B3GAT2: variants seen among roughly 807,000 people sequenced by gnomAD.
The protein encoded by B3GAT2 is beta-1,3-glucuronyltransferase 2.
A neutral mutation model predicts 27.8 loss-of-function variants in B3GAT2; 26 were observed. The observed-to-expected ratio is 0.93, with a 90% CI of 0.68 to 1.30. The LOEUF (loss-of-function observed/expected upper bound fraction) is 1.30. Among genes scored for constraint, B3GAT2 ranks in the 50% most tolerant of loss-of-function variants. The pLI is 0.00. For missense variants in B3GAT2, 458 were observed against 459.0 expected (o/e 1.00, Z 0.02); for synonymous variants, 218 against 195.1 (o/e 1.12, Z -0.98).
chr6:70,943,152 C>T (rs1562236352), intron 1 of B3GAT2, among the ~76,000 whole-genome samples: 1 of 152,126 alleles, frequency 6.6e-6, no homozygotes, highest in South Asian at 2.1e-4. Context: ...AATCCACCTC[C>T]AAGTTTTCTT....
chr6:70,915,042 T>C (rs1772745684), intron 1 of B3GAT2, among the ~76,000 whole-genome samples: 1 of 152,192 alleles, frequency 6.6e-6, no homozygotes, highest in South Asian at 2.1e-4. Flanking sequence ...AGTGTTCCTA[T>C]TTCTCCACAT....
At chr6:70,877,029 G>C (rs1772025354) in intron 2 of B3GAT2, among the ~76,000 whole-genome samples, 1 of 152,224 alleles carries the variant, frequency 6.6e-6, no homozygotes, top group African/African-American at 2.4e-5. Context: ...TGACAAGGCT[G>C]TCAAGTTGCT....
rs375551187 is a variant in B3GAT2, at chr6:70,928,487, AG to A, written c.591+27351del. Among the ~76,000 whole-genome samples, 1,413 of 152,344 alleles carry A rather than the reference AG, an allele frequency of 9.3e-3. 10 individuals are homozygous for A. The highest frequency in any genetic ancestry group is 0.048 in the Middle Eastern group (14 of 294). On this transcript the variant is annotated intron_variant, in intron 1 of 3. Coordinates refer to ENST00000230053, the MANE Select transcript of B3GAT2 (RefSeq NM_080742.3). ...AGAGAAGAATCAAATAGATGTAATA[AG>A]AATGATAAAGGGGGTATCACCACCA...
At chr6:70,929,220 G>A (rs1003205724) in intron 1 of B3GAT2, among the ~76,000 whole-genome samples, 1 of 152,032 alleles carries the variant, frequency 6.6e-6, no homozygotes, top group Non-Finnish European at 1.5e-5. Context: ...AGGGGGGAGG[G>A]ATAGCATTAG....
intron 2 of B3GAT2, among the ~76,000 whole-genome samples, chr6:70,883,335 T>C (rs1252849083): frequency 1.3e-5 from 2 of 152,174 alleles, no homozygotes; most frequent in African/African-American, 4.8e-5. Context: ...CGTCCATGGC[T>C]GTATGCATGG....
intron 1 of B3GAT2, among the ~76,000 whole-genome samples, chr6:70,942,379 T>A (rs1446258173): frequency 6.6e-6 from 1 of 152,168 alleles, no homozygotes; most frequent in African/African-American, 2.4e-5. Context: ...CCCAGCCTCT[T>A]GCCATCAAGA....
Position 70,912,411 on chromosome 6 carries a change from T to C in B3GAT2, c.592-18139A>G, listed in dbSNP as rs190371941. Among the ~76,000 whole-genome samples the C allele has an allele frequency of 1.8e-4, 28 of 152,304 alleles. No homozygotes were observed. In the East Asian group the frequency reaches 5.0e-3, roughly 27 times the overall value. ...CATTTGGTTTTTCTTTTTAGTTCTGTTCATGTGATGAATCATATTTATTGA... is the reference window on the plus strand; with the variant it reads ...CATTTGGTTTTTCTTTTTAGTTCTGCTCATGTGATGAATCATATTTATTGA... On this transcript the variant is annotated intron_variant, in intron 1 of 3. Transcript: ENST00000230053.
intron 2 of B3GAT2, among the ~76,000 whole-genome samples, chr6:70,868,438 G>A (rs1400785971): frequency 6.6e-6 from 1 of 152,170 alleles, no homozygotes; most frequent in Non-Finnish European, 1.5e-5. Flanking sequence ...TATTGTGTAA[G>A]TATCAATTTA....
intron 1 of B3GAT2, among the ~76,000 whole-genome samples, chr6:70,900,126 T>C (rs529603066): frequency 3.2e-4 from 48 of 152,366 alleles, no homozygotes; most frequent in Admixed American, 1.9e-3. Context: ...AGTCATATTC[T>C]GTGGTTTATT....
At position 70,955,880 on chromosome 6, in the gene B3GAT2, C is replaced by T; in HGVS notation, c.550G>A (p.Ala184Thr). ...QRAQPGVLFF[A>T]DDDNTYSLEL... Reference sequence around the variant, plus strand: ...AGACTATAGGTGTTGTCGTCGTCAGCGAAGAAGAGCACGCCGGGCTGCGCG... The same window carrying T: ...AGACTATAGGTGTTGTCGTCGTCAGTGAAGAAGAGCACGCCGGGCTGCGCG... The change falls in exon 1 of 4, where the codon GCT becomes ACT. Residue 184 changes from alanine (A) to threonine (T), a missense_variant. By Grantham distance (58) the Ala-to-Thr change is moderately conservative. Coordinates refer to ENST00000230053, the MANE Select transcript of B3GAT2 (RefSeq NM_080742.3). 3 of 1,605,472 alleles carry T rather than the reference C, an allele frequency of 1.9e-6. No individual in the cohort carries two copies. The highest frequency in any genetic ancestry group is 2.5e-6 in the Non-Finnish European group (3 of 1,176,850).
Position 70,859,216 on chromosome 6 carries a change from A to C in B3GAT2, c.*2447T>G. ...TTGGTCTCTACCCGCTGGGAATCTA[A>C]AAAATTGTATGTGCTAAGTGTCAGT... On this transcript the variant is annotated 3_prime_UTR_variant, in exon 4 of 4. Transcript: ENST00000230053. The C allele has an allele frequency of 1.5e-6, 1 of 670,436 alleles. No individual in the cohort carries two copies. The highest frequency in any genetic ancestry group is 2.5e-6 in the Non-Finnish European group (1 of 406,440). 41.5% of individuals were successfully genotyped at this position (670,436 alleles called of 1,614,324 possible). A position where few individuals can be genotyped will look rare whatever the true frequency, so the allele number is the denominator to read the frequency against.
chr6:70,937,423 A>T (rs1228603632), intron 1 of B3GAT2, among the ~76,000 whole-genome samples: 5 of 152,022 alleles, frequency 3.3e-5, no homozygotes, highest in Non-Finnish European at 7.4e-5. Flanking sequence ...TCATCCTGAT[A>T]CCAAAGCCGG....
At chr6:70,917,171 CT>C (rs1356691735) in intron 1 of B3GAT2, among the ~76,000 whole-genome samples, 1 of 152,138 alleles carries the variant, frequency 6.6e-6, no homozygotes, top group African/African-American at 2.4e-5. Context: ...TCTAGATTTT[CT>C]ATTTTATTTG....
intron 1 of B3GAT2, among the ~76,000 whole-genome samples, chr6:70,947,842 A>G (rs200727149): frequency 1.1e-4 from 16 of 152,232 alleles, no homozygotes; most frequent in Non-Finnish European, 1.2e-4. Context: ...ATAAAATACT[A>G]GCAAACCGAA....
At chr6:70,882,661 C>T (rs768528092) in intron 2 of B3GAT2, among the ~76,000 whole-genome samples, 23 of 152,010 alleles carry the variant, frequency 1.5e-4, no homozygotes, top group Non-Finnish European at 2.8e-4. Flanking sequence ...AGGATTAATA[C>T]CCAAAATATA....
chr6:70,926,828 C>T (rs895737272), intron 1 of B3GAT2, among the ~76,000 whole-genome samples: 4 of 152,126 alleles, frequency 2.6e-5, no homozygotes, highest in Admixed American at 6.6e-5. Flanking sequence ...ACACAGAACG[C>T]CACAAAGATA....
chr6:70,875,908 T>C (rs1282950600), intron 2 of B3GAT2, among the ~76,000 whole-genome samples: 2 of 152,198 alleles, frequency 1.3e-5, no homozygotes, highest in African/African-American at 2.4e-5. Context: ...AACTGAATCT[T>C]CTAAGGAAAC....
intron 1 of B3GAT2, among the ~76,000 whole-genome samples, chr6:70,950,160 T>C (rs920536229): frequency 6.6e-6 from 1 of 151,604 alleles, no homozygotes; most frequent in African/African-American, 2.4e-5. Context: ...CATATGTAAC[T>C]AACCTGCACA....
At chr6:70,932,088 T>C (rs1244283751) in intron 1 of B3GAT2, among the ~76,000 whole-genome samples, 1 of 152,160 alleles carries the variant, frequency 6.6e-6, no homozygotes, top group Non-Finnish European at 1.5e-5. Flanking sequence ...CCTTTCATAA[T>C]GATATTTCAC....
Sources: gnomAD v4.1 joint callset for allele counts (sites outside exome capture counted in the v4.1 genomes callset) on GRCh38, gnomAD v4.1.1 for gene constraint, MANE v1.5 for transcripts, NCBI Gene and HGNC (gene_info 2026-07-23, HGNC 2026-07-21) for gene names.